The following KCNIP4 variants were observed in gnomAD, a reference collection of about 807,000 sequenced individuals.
KCNIP4 encodes the protein Kv channel-interacting protein 4.
KCNIP4 carries 12 observed loss-of-function variants against 34.0 expected under a neutral mutation model. The observed-to-expected ratio is 0.35, with a 90% CI of 0.23 to 0.57. The LOEUF is 0.57. Among genes scored for constraint, KCNIP4 ranks in the 20% least tolerant of loss-of-function variants. The pLI is 0.83. For synonymous variants in KCNIP4, 124 were observed against 102.2 expected (o/e 1.21, Z -1.29); for missense variants, 238 against 311.7 (o/e 0.76, Z 1.78).
chr4:20,878,682 C>A (rs1262348364), intron 2 of KCNIP4, among the ~76,000 whole-genome samples: 1 of 152,010 alleles, frequency 6.6e-6, no homozygotes, highest in Admixed American at 6.5e-5. Context: ...GACCAAATAA[C>A]GAAATTAAGA....
At chr4:20,959,056 G>T (rs1019997) in intron 1 of KCNIP4, among the ~76,000 whole-genome samples, 91,594 of 152,050 alleles carry the variant, frequency 0.6, 27,858 homozygotes, top group East Asian at 0.74. Flanking sequence ...GATGGAAAAG[G>T]TTCCATTTAC....
intron 3 of KCNIP4, among the ~76,000 whole-genome samples, chr4:20,848,518 G>A (rs775575397): frequency 5.9e-5 from 9 of 151,448 alleles, no homozygotes; most frequent in Admixed American, 2.6e-4. Flanking sequence ...AAAAAATAAA[G>A]CAATGAATGC....
intron 1 of KCNIP4, among the ~76,000 whole-genome samples, chr4:21,681,396 C>T (rs564528739): frequency 2.4e-4 from 36 of 152,036 alleles, no homozygotes; most frequent in South Asian, 2.1e-3. Context: ...CATGAGCCAC[C>T]GTGCCCAGCC....
intron 1 of KCNIP4, among the ~76,000 whole-genome samples, chr4:21,091,854 T>C (rs1560712797): frequency 6.6e-6 from 1 of 152,136 alleles, no homozygotes; most frequent in African/African-American, 2.4e-5. Context: ...AGACCCCACC[T>C]CCTAGTATTA....
rs1005394191 is a variant in KCNIP4, at chr4:21,838,689, T to C, written c.61+109882A>G. On this transcript the variant is annotated intron_variant, in intron 1 of 8. Coordinates refer to ENST00000382152, the MANE Select transcript of KCNIP4 (RefSeq NM_025221.6). ...ATGTTCTGTGCTGAATTTCCCACCA[T>C]TTCTCTTTCACCAGTGTAAAGAAGT... Among the ~76,000 whole-genome samples the C allele has an allele frequency of 2.6e-5, 4 of 152,178 alleles. No individual in the cohort carries two copies. The South Asian group carries it at 6.2e-4, about 24-fold the overall frequency.
chr4:20,771,776 T>C (rs887343036), intron 3 of KCNIP4, among the ~76,000 whole-genome samples: 7 of 152,062 alleles, frequency 4.6e-5, no homozygotes, highest in African/African-American at 1.7e-4. Context: ...TTCAAGTGAT[T>C]CTCCCGCCTT....
chr4:21,445,342 C>T (rs554612342), intron 1 of KCNIP4, among the ~76,000 whole-genome samples: 32 of 152,262 alleles, frequency 2.1e-4, no homozygotes, highest in Non-Finnish European at 4.1e-4. Context: ...AACAACAAAG[C>T]TGGAGGCATC....
intron 1 of KCNIP4, among the ~76,000 whole-genome samples, chr4:21,517,669 T>G (rs1189562014): frequency 6.6e-6 from 1 of 152,180 alleles, no homozygotes; most frequent in Non-Finnish European, 1.5e-5. Flanking sequence ...ATGCCTTACT[T>G]ATTTCTGTAA....
At chr4:21,044,941 G>T (rs2149784429) in intron 1 of KCNIP4, among the ~76,000 whole-genome samples, 1 of 152,278 alleles carries the variant, frequency 6.6e-6, no homozygotes, top group African/African-American at 2.4e-5. Context: ...TTATCACAAT[G>T]CATGCTTCTT....
intron 1 of KCNIP4, among the ~76,000 whole-genome samples, chr4:21,380,468 A>G (rs80086975): frequency 0.19 from 27,800 of 143,638 alleles, 3,437 homozygotes; most frequent in Non-Finnish European, 0.28. Flanking sequence ...GGAGAGAGAG[A>G]GAGAGAGGGA....
rs758528070 is a variant in KCNIP4, at chr4:21,310,879, C to T, written c.62-428170G>A. Among the ~76,000 whole-genome samples, 12 of 152,104 alleles carry T rather than the reference C, an allele frequency of 7.9e-5. No individual in the cohort carries two copies. The East Asian group carries it at 1.9e-3, about 25-fold the overall frequency. On this transcript the variant is annotated intron_variant, in intron 1 of 8. Coordinates refer to ENST00000382152, the MANE Select transcript of KCNIP4 (RefSeq NM_025221.6). Reference sequence around the variant, plus strand: ...GCCTAACCTCGTGATCCGCCCGCCTCGACCTCCCAAAGTGCTGGGATTACA... The same window carrying T: ...GCCTAACCTCGTGATCCGCCCGCCTTGACCTCCCAAAGTGCTGGGATTACA...
At chr4:21,081,480 G>A (rs574047919) in intron 1 of KCNIP4, among the ~76,000 whole-genome samples, 1 of 151,724 alleles carries the variant, frequency 6.6e-6, no homozygotes, top group Non-Finnish European at 1.5e-5. Context: ...ATTAACTTCG[G>A]TAGTATGTTT....
At chr4:21,037,184 C>G (rs28793921) in intron 1 of KCNIP4, among the ~76,000 whole-genome samples, 12,971 of 152,054 alleles carry the variant, frequency 0.085, 1,707 homozygotes, top group African/African-American at 0.28. Context: ...AATTAGCTAA[C>G]GTTAATTTAT....
intron 1 of KCNIP4, among the ~76,000 whole-genome samples, chr4:21,058,033 G>A (rs918634611): frequency 6.6e-6 from 1 of 152,098 alleles, no homozygotes; most frequent in Non-Finnish European, 1.5e-5. Context: ...TGAAAAAAGA[G>A]AGAAGAAAAG....
At chr4:21,367,053 C>T (rs774818212) in intron 1 of KCNIP4, among the ~76,000 whole-genome samples, 2 of 152,062 alleles carry the variant, frequency 1.3e-5, no homozygotes, top group Admixed American at 1.3e-4. Context: ...CATGTGAGGA[C>T]ACAGCGTTTC....
At chr4:20,754,163 G>A (rs1287913163) in intron 4 of KCNIP4, among the ~76,000 whole-genome samples, 3 of 152,042 alleles carry the variant, frequency 2.0e-5, no homozygotes. Context: ...CTTACAGTAG[G>A]CATACTTTAT....
intron 1 of KCNIP4, among the ~76,000 whole-genome samples, chr4:21,504,504 A>AAAGAAAGAAAGAAAGGAAGG (rs1451213413): frequency 1.5e-5 from 2 of 133,636 alleles, no homozygotes; most frequent in African/African-American, 5.5e-5. Context: ...AGAAAGAAAG[A>AAAGAAAGAAAGAAAGGAAGG]AAGGAAGGAA....
At chr4:21,081,636 G>T (rs771084016) in intron 1 of KCNIP4, among the ~76,000 whole-genome samples, 1 of 151,646 alleles carries the variant, frequency 6.6e-6, no homozygotes, top group Non-Finnish European at 1.5e-5. Context: ...AAATGGTTGT[G>T]TTTTCTGTCA....
At chr4:20,738,212 G>A (rs1750168730) in intron 5 of KCNIP4, among the ~76,000 whole-genome samples, 1 of 152,068 alleles carries the variant, frequency 6.6e-6, no homozygotes, top group African/African-American at 2.4e-5. Flanking sequence ...AAGGAAGATT[G>A]CTGAGCAGTT....
Sources: allele counts gnomAD v4.1 joint callset (sites outside exome capture counted in the v4.1 genomes callset), GRCh38; gene constraint gnomAD v4.1.1; transcripts MANE v1.5; gene names NCBI Gene and HGNC (gene_info 2026-07-23, HGNC 2026-07-21).